The following BRD10 variants were observed in gnomAD, a reference collection of about 807,000 sequenced individuals.
BRD10 encodes the protein uncharacterized bromodomain-containing protein 10.
At chr9:5,925,707 G>T in the BRD10 span, among the ~76,000 whole-genome samples, 592 of 152,004 alleles carry the variant, frequency 3.9e-3, 20 homozygotes, top group Admixed American at 0.037. Context: ...ATTATGCCTA[G>T]GAAAACAAAG....
the BRD10 span, among the ~76,000 whole-genome samples, chr9:5,973,042 A>T: frequency 6.6e-6 from 1 of 152,234 alleles, no homozygotes; most frequent in Non-Finnish European, 1.5e-5. Context: ...AAGAACAGTG[A>T]TCCCTAACTA....
At chr9:6,005,739 T>C in the BRD10 span, among the ~76,000 whole-genome samples, 14 of 152,318 alleles carry the variant, frequency 9.2e-5, no homozygotes, top group Non-Finnish European at 1.5e-4. Context: ...GAATGGATTG[T>C]TTTTTATGTG....
chr9:5,925,590 C>T, the BRD10 span, among the ~76,000 whole-genome samples: 5 of 152,036 alleles, frequency 3.3e-5, no homozygotes, highest in Non-Finnish European at 7.4e-5. Flanking sequence ...ATTCTAAGCA[C>T]CAGTATCTAT....
the BRD10 span, among the ~76,000 whole-genome samples, chr9:5,971,002 A>G: frequency 7.2e-6 from 1 of 138,502 alleles, no homozygotes; most frequent in Middle Eastern, 3.5e-3. Flanking sequence ...CAGTGAGCCG[A>G]GATTGCACCA....
At chr9:5,921,231 T>C in the BRD10 span, 1 of 1,614,012 alleles carries the variant, frequency 6.2e-7, no homozygotes, top group Middle Eastern at 1.6e-4. Flanking sequence ...GCTGGCACAG[T>C]GCCTGAAGTA....
the BRD10 span, among the ~76,000 whole-genome samples, chr9:5,884,074 G>T: frequency 2.0e-5 from 3 of 152,194 alleles, no homozygotes; most frequent in Non-Finnish European, 4.4e-5. Context: ...CCAGAGCGCA[G>T]TCTCTCTCCT....
At chr9:6,004,634 A>G in the BRD10 span, among the ~76,000 whole-genome samples, 2 of 152,254 alleles carry the variant, frequency 1.3e-5, no homozygotes, top group African/African-American at 4.8e-5. Flanking sequence ...GAAAATTCAA[A>G]TAATATCTAA....
At chr9:6,002,765 C>T in the BRD10 span, among the ~76,000 whole-genome samples, 10 of 151,422 alleles carry the variant, frequency 6.6e-5, no homozygotes, top group East Asian at 1.9e-3. Flanking sequence ...CAATCTCCAT[C>T]TTCCAGGTTT....
the BRD10 span, among the ~76,000 whole-genome samples, chr9:5,896,063 A>C: frequency 6.6e-6 from 1 of 152,112 alleles, no homozygotes; most frequent in Non-Finnish European, 1.5e-5. Context: ...CAGGAAAAGC[A>C]CTGGCCTGGG....
the BRD10 span, among the ~76,000 whole-genome samples, chr9:5,941,317 T>A: frequency 1.3e-5 from 2 of 152,178 alleles, no homozygotes; most frequent in Non-Finnish European, 2.9e-5. Context: ...GCAAATTTTA[T>A]CTGCTAACTA....
chr9:5,970,745 A>AT, the BRD10 span, among the ~76,000 whole-genome samples: 1 of 152,116 alleles, frequency 6.6e-6, no homozygotes. Context: ...TGAAAGGACA[A>AT]ATAGCCCAGT....
At chr9:5,893,536 C>A in the BRD10 span, among the ~76,000 whole-genome samples, 1 of 152,172 alleles carries the variant, frequency 6.6e-6, no homozygotes, top group Non-Finnish European at 1.5e-5. Context: ...TCTAATATCC[C>A]TGGCCAATTG....
the BRD10 span, among the ~76,000 whole-genome samples, chr9:5,912,639 T>G: frequency 6.6e-6 from 1 of 152,054 alleles, no homozygotes; most frequent in Non-Finnish European, 1.5e-5. Flanking sequence ...CTTGTGACCT[T>G]TGTAGATAGA....
At chr9:5,950,244 G>C in the BRD10 span, among the ~76,000 whole-genome samples, 1 of 151,944 alleles carries the variant, frequency 6.6e-6, no homozygotes, top group Non-Finnish European at 1.5e-5. Context: ...GTCAATAATA[G>C]ATGTTTTTAT....
At chr9:5,996,992 G>A in the BRD10 span, among the ~76,000 whole-genome samples, 1 of 152,096 alleles carries the variant, frequency 6.6e-6, no homozygotes, top group Non-Finnish European at 1.5e-5. Flanking sequence ...TCCTGTCCCT[G>A]GCCAACTCTT....
At chr9:5,921,795 T>G in the BRD10 span, 1 of 1,613,826 alleles carries the variant, frequency 6.2e-7, no homozygotes, top group African/African-American at 1.3e-5. Flanking sequence ...CTAGAACAAA[T>G]AGAGGACTTC....
the BRD10 span, among the ~76,000 whole-genome samples, chr9:5,960,261 G>A: frequency 6.6e-6 from 1 of 152,016 alleles, no homozygotes; most frequent in African/African-American, 2.4e-5. Context: ...AAGTGATTTG[G>A]GTGAAAATAA....
the BRD10 span, among the ~76,000 whole-genome samples, chr9:5,918,558 A>T: frequency 2.0e-5 from 3 of 152,290 alleles, no homozygotes; most frequent in Non-Finnish European, 2.9e-5. Flanking sequence ...ACAAAAAATT[A>T]AAAAATTAGG....
chr9:5,893,514 G>A, the BRD10 span, among the ~76,000 whole-genome samples: 1 of 152,166 alleles, frequency 6.6e-6, no homozygotes, highest in Non-Finnish European at 1.5e-5. Flanking sequence ...AGAAGACCCT[G>A]GTATAGGATC....
Sources: gnomAD v4.1 joint callset for allele counts (sites outside exome capture counted in the v4.1 genomes callset) on GRCh38, gnomAD v4.1.1 for gene constraint, MANE v1.5 for transcripts, NCBI Gene and HGNC (gene_info 2026-07-23, HGNC 2026-07-21) for gene names.